FGL1: variants seen among roughly 807,000 people sequenced by gnomAD.
FGL1 encodes fibrinogen-like protein 1.
FGL1 carries 59 observed loss-of-function variants against 43.7 expected under a neutral mutation model. The observed-to-expected ratio is 1.35, with a 90% CI of 1.10 to 1.68. The LOEUF is 1.68. Among genes scored for constraint, FGL1 ranks in the 40% most tolerant of loss-of-function variants. The pLI is 0.00. For synonymous variants in FGL1, 192 were observed against 126.5 expected, an observed-to-expected ratio of 1.52 and a Z score of -3.48; for missense variants, 596 against 373.0, an observed-to-expected ratio of 1.60 and a Z score of -4.92.
chr8:17,885,473 G>C lies in FGL1; in HGVS notation c.63+19C>G, dbSNP rs1241374865. On this transcript the variant is annotated intron_variant, in intron 2 of 7. Coordinates refer to ENST00000427924, the MANE Select transcript of FGL1 (RefSeq NM_004467.4). ...AGCAGGCATTATAAATATGACAATA[G>C]TTTTCCCAAGAAGCTTACCGAAATT... 4.4e-6 allele frequency: 7 copies of C among 1,585,952 alleles called. No homozygotes were observed. The African/African-American group carries it at 5.4e-5, about 12-fold the overall frequency.
In FGL1 at chr8:17,888,579, G is replaced by A. The variant is rs557463355; in HGVS notation, c.-17-3008C>T. Among the ~76,000 whole-genome samples, 8 of 152,214 alleles carry A rather than the reference G, an allele frequency of 5.3e-5. No individual in the cohort carries two copies. The South Asian group carries it at 6.2e-4, about 12-fold the overall frequency. Reference sequence around the variant, plus strand: ...TTAGGAGCAAATACATTTTCATTCCGATCCTGGGGGTAGTTTCATGTTTTC... The same window carrying A: ...TTAGGAGCAAATACATTTTCATTCCAATCCTGGGGGTAGTTTCATGTTTTC... On this transcript the variant is annotated intron_variant, in intron 1 of 7. Transcript: ENST00000427924.
chr8:17,869,730 A>G (rs2053328426), intron 5 of FGL1, among the ~76,000 whole-genome samples: 1 of 152,210 alleles, frequency 6.6e-6, no homozygotes, highest in South Asian at 2.1e-4. Flanking sequence ...AGAGATGATG[A>G]TAATTACTGG....
intron 1 of FGL1, among the ~76,000 whole-genome samples, chr8:17,893,104 G>C (rs1167971065): frequency 3.3e-5 from 5 of 152,120 alleles, no homozygotes; most frequent in Non-Finnish European, 7.3e-5. Flanking sequence ...TGTTGGTTGA[G>C]GCATGAGAAT....
In FGL1 at chr8:17,874,542, T is replaced by C. The variant is rs750981677; in HGVS notation, c.245-21A>G. On this transcript the variant is annotated intron_variant, in intron 3 of 7. Transcript: ENST00000427924. ...ACAATCTGTTTTTAAAACAAGGTAA[T>C]GTAACATTCATTATGTGTCTTTTTC... 1.9e-5 allele frequency: 30 copies of C among 1,593,634 alleles called. No individual in the cohort carries two copies. The Admixed American group carries it at 4.8e-4, about 26-fold the overall frequency.
Position 17,882,099 on chromosome 8 carries a change from C to T in FGL1, c.144G>A (p.Gln48=). ...CCTGCAAAAGCTGCTTGATCTTGAC[C>T]TGTTGCTGTTTGACCCGGGTCTCAA... is the stretch of plus-strand genomic sequence containing the variant. ...RLLETRVKQQ[Q]VKIKQLLQEN... The change falls in exon 3 of 8, where the codon CAG becomes CAA. Residue 48 remains glutamine (Q), a synonymous_variant. Coordinates refer to ENST00000427924, the MANE Select transcript of FGL1 (RefSeq NM_004467.4). 6.2e-7 allele frequency: 1 copy of T among 1,614,044 alleles called. No homozygotes were observed. Among genetic ancestry groups the T allele is most frequent in the Non-Finnish European group, 8.5e-7 (1 of 1,180,006 alleles).
intron 3 of FGL1, among the ~76,000 whole-genome samples, chr8:17,881,773 G>T (rs1343474149): frequency 6.7e-6 from 1 of 150,298 alleles, no homozygotes; most frequent in African/African-American, 2.5e-5. Context: ...GACGGAGCTT[G>T]CAGTGAGCCA....
intron 3 of FGL1, among the ~76,000 whole-genome samples, chr8:17,875,390 ATTC>A (rs1563452042): frequency 6.6e-6 from 1 of 152,138 alleles, no homozygotes; most frequent in African/African-American, 2.4e-5. Flanking sequence ...AGCTTCTGCT[ATTC>A]TTTTCATCCC....
intron 1 of FGL1, 95 bp downstream of exon 1, chr8:17,895,351 AT>A (rs1180778726): frequency 1.2e-5 from 14 of 1,202,902 alleles, no homozygotes; most frequent in Non-Finnish European, 3.2e-6. Context: ...GCAAAAGCTA[AT>A]GGTTGTTACC....
rs180970543 is a variant in FGL1, at chr8:17,874,496, C to T, written c.270G>A (p.Gly90=). 4.4e-6 allele frequency: 7 copies of T among 1,608,984 alleles called. No individual in the cohort carries two copies. The East Asian group carries it at 1.3e-4, about 31-fold the overall frequency. ...YADCSEIFND[G]YKLSGFYKIK... The stretch of plus-strand genomic sequence containing the variant: ...TTTTGTAAAATCCACTGAGCTTATA[C>T]CCATCATTGAAAATCTCTGAACAAT... Residue 90 remains glycine (G), a synonymous_variant, in exon 4 of 8, where the codon GGG becomes GGA. Coordinates refer to ENST00000427924, the MANE Select transcript of FGL1 (RefSeq NM_004467.4).
chr8:17,889,758 A>G (rs2053679493), intron 1 of FGL1, among the ~76,000 whole-genome samples: 1 of 152,178 alleles, frequency 6.6e-6, no homozygotes, highest in Non-Finnish European at 1.5e-5. Context: ...TTCTTACTGT[A>G]TTATGTTGAA....
chr8:17,870,948 T>A, intron 5 of FGL1, among the ~76,000 whole-genome samples: 1 of 71,174 alleles, frequency 1.4e-5, no homozygotes, highest in African/African-American at 5.1e-5. Context: ...AGCTTAAGGG[T>A]GCACACACCA....
Position 17,868,752 on chromosome 8 carries a change from T to C in FGL1, c.592-17A>G, listed in dbSNP as rs776236750. The stretch of plus-strand genomic sequence containing the variant: ...GTAGAAATTCTAAAGAAAAAGGGCA[T>C]TTCTGCTGTCAGTGGAGTTCCTCTA... On this transcript the variant is annotated splice_polypyrimidine_tract_variant and intron_variant, in intron 6 of 7. Coordinates refer to ENST00000427924, the MANE Select transcript of FGL1 (RefSeq NM_004467.4). The C allele has an allele frequency of 1.9e-6, 3 of 1,602,488 alleles. No homozygotes were observed. Among genetic ancestry groups the C allele is most frequent in the Non-Finnish European group, 2.6e-6 (3 of 1,174,300 alleles).
At chr8:17,870,410 G>A (rs2053340659) in intron 5 of FGL1, among the ~76,000 whole-genome samples, 2 of 152,218 alleles carry the variant, frequency 1.3e-5, no homozygotes, top group Admixed American at 1.3e-4. Context: ...TAGATCACAT[G>A]TGTTCTATCC....
At chr8:17,886,828 T>C (rs2053635729) in intron 1 of FGL1, among the ~76,000 whole-genome samples, 4 of 151,194 alleles carry the variant, frequency 2.6e-5, no homozygotes, top group South Asian at 2.1e-4. Flanking sequence ...AGTAGGGGAA[T>C]TGGCAAAGCA....
chr8:17,866,579 T>C (rs2053273334), intron 7 of FGL1, among the ~76,000 whole-genome samples: 1 of 152,210 alleles, frequency 6.6e-6, no homozygotes. Flanking sequence ...ACCCCTTTGA[T>C]TCCAAGGATA....
At chr8:17,891,089 C>T (rs961282159) in intron 1 of FGL1, among the ~76,000 whole-genome samples, 1 of 152,152 alleles carries the variant, frequency 6.6e-6, no homozygotes, top group Non-Finnish European at 1.5e-5. Flanking sequence ...CTACCTACTC[C>T]AACCGCCCTG....
At chr8:17,869,427 C>G (rs2053323210) in intron 5 of FGL1, among the ~76,000 whole-genome samples, 1 of 152,166 alleles carries the variant, frequency 6.6e-6, no homozygotes, top group African/African-American at 2.4e-5. Context: ...ATTGTGTAAT[C>G]TCTAGTAGCT....
intron 2 of FGL1, among the ~76,000 whole-genome samples, chr8:17,884,739 A>T (rs1241980877): frequency 6.6e-6 from 1 of 152,198 alleles, no homozygotes; most frequent in Non-Finnish European, 1.5e-5. Context: ...AAGTATGCCC[A>T]ATCTTTATGA....
intron 1 of FGL1, among the ~76,000 whole-genome samples, chr8:17,885,941 G>C (rs2053621796): frequency 6.6e-6 from 1 of 152,208 alleles, no homozygotes. Flanking sequence ...TGGAGCTTGT[G>C]TCTTTTTCTC....
Sources: allele counts gnomAD v4.1 joint callset (sites outside exome capture counted in the v4.1 genomes callset), GRCh38; gene constraint gnomAD v4.1.1; transcripts MANE v1.5; gene names NCBI Gene and HGNC (gene_info 2026-07-23, HGNC 2026-07-21).